CNTNAP2: variants seen among roughly 807,000 people sequenced by gnomAD.
CNTNAP2 encodes contactin associated protein 2.
CNTNAP2 carries 98 observed loss-of-function variants against 155.2 expected under a neutral mutation model. The observed-to-expected ratio is 0.63, with a 90% CI of 0.54 to 0.75. The LOEUF (loss-of-function observed/expected upper bound fraction) is 0.75. Ranked by LOEUF, CNTNAP2 falls within the 30% of genes least tolerant of loss-of-function variation. The pLI is 0.00. For missense variants in CNTNAP2, 1,727 were observed against 1,688.1 expected (o/e 1.02, Z -0.40); for synonymous variants, 651 against 631.2 (o/e 1.03, Z -0.47).
At chr7:147,467,079 A>T (rs889327943) in intron 10 of CNTNAP2, among the ~76,000 whole-genome samples, 1 of 152,222 alleles carries the variant, frequency 6.6e-6, no homozygotes, top group African/African-American at 2.4e-5. Context: ...TTTAAGCAAA[A>T]TCACACTGAA....
intron 22 of CNTNAP2, among the ~76,000 whole-genome samples, chr7:148,386,899 A>G (rs1024428120): frequency 4.6e-5 from 7 of 152,148 alleles, no homozygotes; most frequent in African/African-American, 1.7e-4. Flanking sequence ...GCAGTGGGGG[A>G]AAAGGCCTCT....
At chr7:147,644,369 C>A (rs1025600344) in intron 13 of CNTNAP2, among the ~76,000 whole-genome samples, 2 of 152,204 alleles carry the variant, frequency 1.3e-5, no homozygotes, top group East Asian at 3.9e-4. Context: ...GCCTGTAATC[C>A]CAGCACTTTG....
chr7:147,565,817 C>T (rs565691173), intron 12 of CNTNAP2, among the ~76,000 whole-genome samples: 5 of 152,172 alleles, frequency 3.3e-5, no homozygotes, highest in South Asian at 2.1e-4. Flanking sequence ...ATGTGAAGTG[C>T]CATGTGCCAT....
chr7:147,473,394 T>G (rs954487380), intron 10 of CNTNAP2, among the ~76,000 whole-genome samples: 2 of 152,136 alleles, frequency 1.3e-5, no homozygotes, highest in South Asian at 2.1e-4. Flanking sequence ...CCAGAGGAGA[T>G]AGGACACAGA....
chr7:146,958,001 G>A (rs1797470895), intron 3 of CNTNAP2, among the ~76,000 whole-genome samples: 1 of 152,114 alleles, frequency 6.6e-6, no homozygotes, highest in Admixed American at 6.5e-5. Context: ...ATGACCATTA[G>A]AATCTAGCCA....
intron 13 of CNTNAP2, among the ~76,000 whole-genome samples, chr7:147,844,822 C>T: frequency 5.4e-5 from 3 of 55,066 alleles, no homozygotes; most frequent in African/African-American, 2.3e-4. Context: ...TGAATTTTGT[C>T]AAAGGCTTTT....
At chr7:146,234,042 C>A (rs1308804929) in intron 1 of CNTNAP2, among the ~76,000 whole-genome samples, 1 of 149,248 alleles carries the variant, frequency 6.7e-6, no homozygotes, top group African/African-American at 2.5e-5. Flanking sequence ...AATCGCCACA[C>A]TGACTTCCAC....
At chr7:146,720,808 A>G (rs1801273677) in intron 1 of CNTNAP2, among the ~76,000 whole-genome samples, 1 of 149,958 alleles carries the variant, frequency 6.7e-6, no homozygotes, top group East Asian at 2.0e-4. Context: ...CAGAATACAA[A>G]CAAAACTAAT....
At chr7:148,214,352 C>T (rs1173044543) in intron 18 of CNTNAP2, among the ~76,000 whole-genome samples, 1 of 152,146 alleles carries the variant, frequency 6.6e-6, no homozygotes, top group East Asian at 1.9e-4. Flanking sequence ...CTAAATAAAC[C>T]GCCATAACAT....
At chr7:147,493,335 T>A (rs1381542437) in intron 11 of CNTNAP2, among the ~76,000 whole-genome samples, 1 of 152,202 alleles carries the variant, frequency 6.6e-6, no homozygotes, top group African/African-American at 2.4e-5. Context: ...TGCTTCTGTG[T>A]TATCAAGTGA....
At chr7:147,314,404 T>G (rs1795188255) in intron 9 of CNTNAP2, among the ~76,000 whole-genome samples, 1 of 151,750 alleles carries the variant, frequency 6.6e-6, no homozygotes, top group African/African-American at 2.4e-5. Context: ...TTCTATCTCA[T>G]TCACTGAAGT....
rs182706063 is a variant in CNTNAP2 at position 146,292,052 on chromosome 7, A to T, written c.97+175079A>T. ...ATATAGAAAGAATACAAATAATTTG[A>T]TTAGAAAATGGGCAAAGGAGCTGAG... On this transcript the variant is annotated intron_variant, in intron 1 of 23. Transcript: ENST00000361727. Among the ~76,000 whole-genome samples, 386 of 152,330 alleles carry T rather than the reference A, an allele frequency of 2.5e-3. 1 individual carries two copies. The highest frequency in any genetic ancestry group is 3.9e-3 in the Non-Finnish European group (266 of 68,024).
At chr7:146,736,389 T>TG (rs368390586) in intron 1 of CNTNAP2, among the ~76,000 whole-genome samples, 2,190 of 152,310 alleles carry the variant, frequency 0.014, 18 homozygotes, top group Middle Eastern at 0.024. Context: ...CTGCTTTTGA[T>TG]GGGGCACTGA....
At chr7:146,246,346 A>C (rs1384051478) in intron 1 of CNTNAP2, among the ~76,000 whole-genome samples, 13 of 150,896 alleles carry the variant, frequency 8.6e-5, no homozygotes, top group Admixed American at 4.6e-4. Flanking sequence ...ATTTAGTTAA[A>C]GTGTCTCGGC....
intron 13 of CNTNAP2, among the ~76,000 whole-genome samples, chr7:147,836,841 T>C (rs764826881): frequency 2.6e-5 from 4 of 152,232 alleles, no homozygotes; most frequent in Admixed American, 6.5e-5. Flanking sequence ...TTCCAACATA[T>C]AAAATTGAAA....
chr7:146,329,549 G>A (rs903503694), intron 1 of CNTNAP2, among the ~76,000 whole-genome samples: 1 of 152,130 alleles, frequency 6.6e-6, no homozygotes, highest in Non-Finnish European at 1.5e-5. Flanking sequence ...ATACTTGCTG[G>A]CTTTAATTTG....
chr7:147,798,615 A>G, intron 13 of CNTNAP2, among the ~76,000 whole-genome samples: 1 of 152,212 alleles, frequency 6.6e-6, no homozygotes, highest in East Asian at 1.9e-4. Context: ...ACTTAGGAGT[A>G]AGAAAACCAA....
At chr7:146,386,666 G>A (rs575278601) in intron 1 of CNTNAP2, among the ~76,000 whole-genome samples, 8 of 152,284 alleles carry the variant, frequency 5.3e-5, no homozygotes, top group East Asian at 3.9e-4. Flanking sequence ...GATTACAGGC[G>A]TGAGCCACCG....
chr7:146,796,311 A>T (rs925248229), intron 2 of CNTNAP2, among the ~76,000 whole-genome samples: 1 of 152,212 alleles, frequency 6.6e-6, no homozygotes, highest in African/African-American at 2.4e-5. Flanking sequence ...TAGGGCAGCT[A>T]AGCAAGGACA....
Sources: allele counts gnomAD v4.1 joint callset (sites outside exome capture counted in the v4.1 genomes callset), GRCh38; gene constraint gnomAD v4.1.1; transcripts MANE v1.5; gene names NCBI Gene and HGNC (gene_info 2026-07-23, HGNC 2026-07-21).